The following MROH9 variants were observed in gnomAD, a reference collection of about 807,000 sequenced individuals.
The protein encoded by MROH9 is maestro heat-like repeat-containing protein family member 9.
A neutral mutation model predicts 98.2 loss-of-function variants in MROH9; 92 were observed. That is an observed-to-expected ratio of 0.94 (90% CI 0.79 to 1.11). The LOEUF is 1.11. MROH9 is among the 50% of genes most tolerant of loss of function. The pLI is 0.00. For missense variants in MROH9, 1,057 were observed against 1,014.8 expected (o/e 1.04, Z -0.57); for synonymous variants, 397 against 368.9 (o/e 1.08, Z -0.87).
At chr1:171,021,716 C>A (rs1055614138) in intron 17 of MROH9, among the ~76,000 whole-genome samples, 1 of 151,956 alleles carries the variant, frequency 6.6e-6, no homozygotes, top group Non-Finnish European at 1.5e-5. Flanking sequence ...TACAAAAACA[C>A]CAAAAGCAAT....
chr1:171,035,948 A>G (rs1653085773), intron 20 of MROH9, among the ~76,000 whole-genome samples: 1 of 152,198 alleles, frequency 6.6e-6, no homozygotes, highest in Non-Finnish European at 1.5e-5. Context: ...CACAAAAGAT[A>G]TGTACTAGAA....
intron 20 of MROH9, among the ~76,000 whole-genome samples, chr1:171,052,575 G>A (rs1311415742): frequency 6.6e-6 from 1 of 152,196 alleles, no homozygotes; most frequent in African/African-American, 2.4e-5. Flanking sequence ...TACTCAGAAA[G>A]GGAAGGGTGG....
intron 1 of MROH9, among the ~76,000 whole-genome samples, chr1:170,942,557 T>C (rs1226226668): frequency 2.0e-5 from 3 of 152,140 alleles, no homozygotes; most frequent in African/African-American, 7.2e-5. Context: ...AACATACATT[T>C]ACTAAAATAT....
At chr1:170,962,506 A>C (rs1650053325) in intron 6 of MROH9, among the ~76,000 whole-genome samples, 1 of 152,144 alleles carries the variant, frequency 6.6e-6, no homozygotes, top group Non-Finnish European at 1.5e-5. Flanking sequence ...ACTGCACTGC[A>C]TGTCTTGTGG....
intron 20 of MROH9, among the ~76,000 whole-genome samples, chr1:171,052,474 T>C (rs1274172763): frequency 1.3e-5 from 2 of 152,172 alleles, no homozygotes; most frequent in African/African-American, 4.8e-5. Flanking sequence ...CAGCCTAAGC[T>C]CCTAATCTAG....
At chr1:171,061,370 C>A (rs890050275) in intron 20 of MROH9, among the ~76,000 whole-genome samples, 3 of 152,126 alleles carry the variant, frequency 2.0e-5, no homozygotes, top group Admixed American at 2.0e-4. Flanking sequence ...ATATACCAAA[C>A]AGCAGTTATA....
chr1:170,944,295 C>T (rs1043796823), intron 1 of MROH9, among the ~76,000 whole-genome samples: 1 of 151,766 alleles, frequency 6.6e-6, no homozygotes, highest in Non-Finnish European at 1.5e-5. Flanking sequence ...GGAATATAAA[C>T]CTTTCGTATT....
rs570897931 is a variant in MROH9, at chr1:171,050,832, G to T, written c.2282-11300G>T. Among the ~76,000 whole-genome samples, 6 of 152,224 alleles carry T rather than the reference G, an allele frequency of 3.9e-5. No homozygotes were observed. The South Asian group carries it at 6.2e-4, about 16-fold the overall frequency. The stretch of plus-strand genomic sequence containing the variant: ...CACATATGGCTTTTATTATTTTGAG[G>T]TATGTTCCTTATGTGCCTAGTTAAG... On this transcript the variant is annotated intron_variant, in intron 20 of 21. Transcript: ENST00000367759.
intron 15 of MROH9, among the ~76,000 whole-genome samples, chr1:171,006,222 T>C (rs999579488): frequency 6.6e-6 from 1 of 152,158 alleles, no homozygotes; most frequent in African/African-American, 2.4e-5. Flanking sequence ...TCAGGTTTTT[T>C]TTCTTTCAGC....
intron 8 of MROH9, among the ~76,000 whole-genome samples, 187 bp downstream of exon 8, chr1:170,972,070 G>T (rs1650481361): frequency 6.6e-6 from 1 of 152,146 alleles, no homozygotes; most frequent in South Asian, 2.1e-4. Context: ...TAATAGTGTG[G>T]TTGGTTCTTC....
chr1:170,983,587 C>T, intron 9 of MROH9, 53 bp downstream of exon 9: 1 of 1,007,840 alleles, frequency 9.9e-7, no homozygotes, highest in East Asian at 2.4e-5. Context: ...TATGATTACT[C>T]TTAGTAACAA....
chr1:170,996,594 C>T lies in MROH9; in HGVS notation c.1425C>T (p.Asp475=), dbSNP rs752178903. 6.2e-7 allele frequency: 1 copy of T among 1,613,546 alleles called. No homozygotes were observed. The highest frequency in any genetic ancestry group is 8.5e-7 in the Non-Finnish European group (1 of 1,179,654). Residue 475 remains aspartate, a synonymous_variant, in exon 14 of 22, where the codon GAC becomes GAT. Coordinates refer to ENST00000367759, the MANE Select transcript of MROH9 (RefSeq NM_001163629.2). ...DITLMKENFW[D]QLSEDLCYYH... is the part of the protein sequence containing the mutation. ...CTCTAATGAAGGAGAATTTCTGGGACCAGTTATCTGAAGATCTGTGTTACT... is the reference window on the plus strand; with the variant it reads ...CTCTAATGAAGGAGAATTTCTGGGATCAGTTATCTGAAGATCTGTGTTACT...
intron 6 of MROH9, among the ~76,000 whole-genome samples, chr1:170,964,499 G>T (rs61815978): frequency 0.08 from 12,144 of 152,142 alleles, 620 homozygotes; most frequent in Non-Finnish European, 0.11. Flanking sequence ...TTGCCTTAAA[G>T]AAGGCTATTA....
At chr1:170,976,885 CTCTTTATATAA>C (rs1412789550) in intron 8 of MROH9, among the ~76,000 whole-genome samples, 7 of 152,042 alleles carry the variant, frequency 4.6e-5, no homozygotes, top group African/African-American at 1.7e-4. Flanking sequence ...TAGAATTGGC[CTCTTTATATAA>C]TCTTGTATTT....
At chr1:170,953,237 T>A (rs1649623344) in intron 3 of MROH9, among the ~76,000 whole-genome samples, 1 of 152,150 alleles carries the variant, frequency 6.6e-6, no homozygotes, top group Admixed American at 6.6e-5. Context: ...TTATAAATAG[T>A]ATTGTTATTG....
intron 21 of MROH9, among the ~76,000 whole-genome samples, 154 bp downstream of exon 21, chr1:171,062,348 A>C (rs1654040867): frequency 6.6e-6 from 1 of 152,188 alleles, no homozygotes; most frequent in African/African-American, 2.4e-5. Context: ...AGAATCAATG[A>C]AAGGACTGGG....
At chr1:170,967,232 T>G (rs1049439292) in intron 7 of MROH9, among the ~76,000 whole-genome samples, 4 of 152,156 alleles carry the variant, frequency 2.6e-5, no homozygotes, top group South Asian at 2.1e-4. Context: ...TTCTGCAATG[T>G]TCACTAAGTG....
chr1:171,053,944 T>C (rs1028584523), intron 20 of MROH9, among the ~76,000 whole-genome samples: 2 of 152,108 alleles, frequency 1.3e-5, no homozygotes, highest in African/African-American at 4.8e-5. Context: ...CTGTAAGAGA[T>C]GATGGCCAAG....
chr1:171,005,857 G>A (rs1571496764), intron 15 of MROH9, among the ~76,000 whole-genome samples: 1 of 152,144 alleles, frequency 6.6e-6, no homozygotes, highest in Admixed American at 6.5e-5. Flanking sequence ...TTCTATTGAT[G>A]TCACCCTTTA....
Sources: allele counts gnomAD v4.1 joint callset (sites outside exome capture counted in the v4.1 genomes callset), GRCh38; gene constraint gnomAD v4.1.1; transcripts MANE v1.5; gene names NCBI Gene and HGNC (gene_info 2026-07-23, HGNC 2026-07-21).